The following TSNARE1 variants were observed in gnomAD, a reference collection of about 807,000 sequenced individuals.
TSNARE1 encodes the protein t-SNARE domain containing 1, also known as t-SNARE domain-containing protein 1.
TSNARE1 carries 49 observed loss-of-function variants against 62.0 expected under a neutral mutation model. The observed-to-expected ratio is 0.79, with a 90% CI of 0.63 to 1.00. The LOEUF is 1.00. Ranked by LOEUF, TSNARE1 falls within the 50% of genes least tolerant of loss-of-function variation. The pLI, the probability that TSNARE1 is intolerant of heterozygous loss-of-function variation, is 0.00. For missense variants in TSNARE1, 755 were observed against 700.1 expected, an observed-to-expected ratio of 1.08 and a Z score of -0.88; for synonymous variants, 328 against 294.4, an observed-to-expected ratio of 1.11 and a Z score of -1.17.
At chr8:142,250,081 G>A (rs990965237) in intron 12 of TSNARE1, among the ~76,000 whole-genome samples, 1 of 152,148 alleles carries the variant, frequency 6.6e-6, no homozygotes, top group East Asian at 1.9e-4. Flanking sequence ...TTCAGAGTGC[G>A]CCGCATGAGA....
chr8:142,346,377 G>A (rs1291941042), intron 2 of TSNARE1, among the ~76,000 whole-genome samples: 2 of 152,260 alleles, frequency 1.3e-5, no homozygotes, highest in Non-Finnish European at 2.9e-5. Context: ...CGGCTTTGCG[G>A]AGGCAGAGAC....
chr8:142,299,768 TCACA>T (rs1393752940), intron 10 of TSNARE1, among the ~76,000 whole-genome samples: 2 of 152,134 alleles, frequency 1.3e-5, no homozygotes, highest in Non-Finnish European at 2.9e-5. Context: ...GTGCATGCAC[TCACA>T]CACACATACA....
chr8:142,372,204 G>A (rs1460926545), intron 1 of TSNARE1, among the ~76,000 whole-genome samples: 1 of 152,148 alleles, frequency 6.6e-6, no homozygotes, highest in Non-Finnish European at 1.5e-5. Context: ...GACCCACCAC[G>A]GGAGCCTGAC....
Position 142,372,082 on chromosome 8 carries a change from G to A in TSNARE1, c.-39-17319C>T, listed in dbSNP as rs1835956000. Among the ~76,000 whole-genome samples the A allele has an allele frequency of 2.6e-5, 4 of 152,190 alleles. No homozygotes were observed. The South Asian group carries it at 8.3e-4, about 32-fold the overall frequency. Reference sequence around the variant, plus strand: ...GACGAAGGCTGTGAGAGGAGGTGGTGGATTCTGAATTCTGCTTGGCAGACA... The same window carrying A: ...GACGAAGGCTGTGAGAGGAGGTGGTAGATTCTGAATTCTGCTTGGCAGACA... On this transcript the variant is annotated intron_variant, in intron 1 of 13. Coordinates refer to ENST00000524325, the MANE Select transcript of TSNARE1 (RefSeq NM_145003.5).
rs11994482 is a variant in TSNARE1, at chr8:142,298,394, C to T, written c.1290+2092G>A. 4.7e-3 allele frequency among the ~76,000 whole-genome samples: 713 copies of T among 152,284 alleles called. 8 individuals are homozygous for T. Among genetic ancestry groups the T allele is most frequent in the African/African-American group, 0.016 (665 of 41,562 alleles). On this transcript the variant is annotated intron_variant, in intron 10 of 13. Transcript: ENST00000524325. ...CAGCCCCAGCCTCCACTCCTCTGAACCCCATCCTGGGGTGGCTGCACCGGG... is the reference window on the plus strand; with the variant it reads ...CAGCCCCAGCCTCCACTCCTCTGAATCCCATCCTGGGGTGGCTGCACCGGG...
intron 11 of TSNARE1, chr8:142,277,451 G>C: frequency 1.0e-6 from 1 of 985,416 alleles, no homozygotes; most frequent in Non-Finnish European, 1.2e-6. Context: ...CAGCCCTGCA[G>C]GCCTGGCCCT....
intron 6 of TSNARE1, among the ~76,000 whole-genome samples, chr8:142,323,480 C>T (rs1229574111): frequency 2.0e-5 from 3 of 152,216 alleles, no homozygotes; most frequent in Non-Finnish European, 2.9e-5. Flanking sequence ...ATCCTAAAGA[C>T]GCACTTTTAG....
chr8:142,214,997 C>A (rs1180474721), intron 13 of TSNARE1, among the ~76,000 whole-genome samples: 1 of 152,218 alleles, frequency 6.6e-6, no homozygotes, highest in Non-Finnish European at 1.5e-5. Flanking sequence ...CAGCGCTTCC[C>A]ACCTCAGGGG....
chr8:142,362,292 T>C (rs1205788614), intron 1 of TSNARE1, among the ~76,000 whole-genome samples: 1 of 152,192 alleles, frequency 6.6e-6, no homozygotes, highest in African/African-American at 2.4e-5. Context: ...TGGAGCTGTC[T>C]TCCCACCGTG....
At chr8:142,262,463 T>C (rs1818946111) in intron 12 of TSNARE1, among the ~76,000 whole-genome samples, 1 of 152,184 alleles carries the variant, frequency 6.6e-6, no homozygotes, top group East Asian at 1.9e-4. Context: ...TTATAAATGG[T>C]ATGTTTTTCA....
At chr8:142,267,674 C>G (rs1257149488) in intron 12 of TSNARE1, among the ~76,000 whole-genome samples, 1 of 152,206 alleles carries the variant, frequency 6.6e-6, no homozygotes, top group Non-Finnish European at 1.5e-5. Flanking sequence ...TCCCCCCGGC[C>G]TCTTTCTAAA....
In TSNARE1 at chr8:142,270,608, T is replaced by C. The variant is rs1377843016; in HGVS notation, c.1446+4173A>G. On this transcript the variant is annotated intron_variant, in intron 12 of 13. Transcript: ENST00000524325. The stretch of plus-strand genomic sequence containing the variant: ...GGGCAGAGGAGCCCTGCCCTCCAAG[T>C]GTGCATGCCCACCAAAGGGACAGGG... 6 of 985,044 alleles carry C rather than the reference T, an allele frequency of 6.1e-6. No homozygotes were observed. The East Asian group carries it at 4.6e-4, about 75-fold the overall frequency. The allele number at this position is 985,044 out of a possible 1,614,324, so 61.0% of individuals were successfully genotyped here. A position where few individuals can be genotyped will look rare whatever the true frequency, so the allele number is the denominator to read the frequency against.
At chr8:142,363,324 T>C (rs1835300399) in intron 1 of TSNARE1, among the ~76,000 whole-genome samples, 1 of 152,122 alleles carries the variant, frequency 6.6e-6, no homozygotes, top group Non-Finnish European at 1.5e-5. Context: ...GAAAATGTCA[T>C]ACAGATCCAT....
At position 142,319,747 on chromosome 8, in the gene TSNARE1, AC is replaced by A. The variant is rs1397177250; in HGVS notation, c.894-1114del. On this transcript the variant is annotated intron_variant, in intron 6 of 13. Transcript: ENST00000524325. This position sits in a 1 kb window ranked among gnomAD's most constrained non-coding sequence, Gnocchi z 4.9. ...GAGCGGGGCCCACCTCCTGATACCC[AC>A]CCTGGGCGGGCAGAGCCTGTGGCAC... Among the ~76,000 whole-genome samples the A allele has an allele frequency of 6.6e-5, 10 of 151,870 alleles. No homozygotes were observed. Among genetic ancestry groups the A allele is most frequent in the African/African-American group, 2.4e-4 (10 of 41,320 alleles).
chr8:142,262,808 A>G (rs1209915501), intron 12 of TSNARE1, among the ~76,000 whole-genome samples: 1 of 152,208 alleles, frequency 6.6e-6, no homozygotes, highest in African/African-American at 2.4e-5. Flanking sequence ...CAGCCTGCAG[A>G]ACCGTGAGCC....
chr8:142,256,271 CCACCACCAT>C (rs1818545660), intron 12 of TSNARE1, among the ~76,000 whole-genome samples: 1 of 123,868 alleles, frequency 8.1e-6, no homozygotes, highest in African/African-American at 3.0e-5. Flanking sequence ...ATCACCATCA[CCACCACCAT>C]TACCATCATC....
At chr8:142,397,261 GGA>G (rs1412004965) in intron 1 of TSNARE1, among the ~76,000 whole-genome samples, 5 of 150,532 alleles carry the variant, frequency 3.3e-5, no homozygotes, top group Non-Finnish European at 4.4e-5. Context: ...GGGTCTCACA[GGA>G]GAGAGGCAGC....
At chr8:142,320,590 A>C (rs1829343829) in intron 6 of TSNARE1, among the ~76,000 whole-genome samples, 1 of 151,830 alleles carries the variant, frequency 6.6e-6, no homozygotes, top group Admixed American at 6.6e-5. Flanking sequence ...CCCTGGGTTC[A>C]CTTCACTCCT....
chr8:142,380,972 C>A (rs747817321), intron 1 of TSNARE1, among the ~76,000 whole-genome samples: 1 of 152,208 alleles, frequency 6.6e-6, no homozygotes, highest in Middle Eastern at 3.2e-3. Flanking sequence ...TGCACACACA[C>A]CTGCACAGCT....
Sources: allele counts gnomAD v4.1 joint callset (sites outside exome capture counted in the v4.1 genomes callset), GRCh38; gene constraint gnomAD v4.1.1; non-coding constraint Gnocchi (gnomAD v3.1); transcripts MANE v1.5; gene names NCBI Gene and HGNC (gene_info 2026-07-23, HGNC 2026-07-21).